NFIA: variants seen among roughly 807,000 people sequenced by gnomAD.
The protein encoded by NFIA is nuclear factor I A.
A neutral mutation model predicts 62.8 loss-of-function variants in NFIA; 8 were observed. The ratio of observed to expected loss-of-function variants is 0.13; its 90% CI spans 0.07 to 0.23. NFIA has a LOEUF of 0.23. NFIA is among the 10% of genes least tolerant of loss of function. The probability of loss-of-function intolerance (pLI) is 1.00; values close to 1 mark genes in which losing one functional copy is unlikely to be tolerated. For synonymous variants in NFIA, 235 were observed against 238.1 expected (o/e 0.99, Z 0.12); for missense variants, 410 against 642.1 (o/e 0.64, Z 3.91).
chr1:61,197,351 G>T (rs1339838856), intron 2 of NFIA, among the ~76,000 whole-genome samples: 1 of 144,400 alleles, frequency 6.9e-6, no homozygotes, highest in Admixed American at 7.3e-5. Flanking sequence ...CGATTCTTCT[G>T]CCTCAGCCTC....
intron 2 of NFIA, among the ~76,000 whole-genome samples, chr1:61,256,220 G>A (rs758152813): frequency 1.3e-5 from 2 of 152,050 alleles, no homozygotes; most frequent in Non-Finnish European, 2.9e-5. Flanking sequence ...TTGAGGTGAG[G>A]TCAGGAGTTC....
intron 7 of NFIA, among the ~76,000 whole-genome samples, chr1:61,396,116 A>G (rs558513249): frequency 6.6e-6 from 1 of 152,214 alleles, no homozygotes; most frequent in Non-Finnish European, 1.5e-5. Flanking sequence ...GAAGCCACCC[A>G]CATTTATAAT....
chr1:61,272,843 T>G (rs1425911597), intron 2 of NFIA, among the ~76,000 whole-genome samples: 1 of 152,210 alleles, frequency 6.6e-6, no homozygotes, highest in African/African-American at 2.4e-5. Context: ...TTTCGCTTTA[T>G]TTCTTTCACT....
chr1:61,261,500 G>A (rs779463800), intron 2 of NFIA, among the ~76,000 whole-genome samples: 4 of 152,212 alleles, frequency 2.6e-5, no homozygotes, highest in Non-Finnish European at 4.4e-5. Flanking sequence ...ACTAGCCTAA[G>A]CTGTAATGTT....
chr1:61,149,541 A>G (rs1648254830), intron 2 of NFIA, among the ~76,000 whole-genome samples: 1 of 152,166 alleles, frequency 6.6e-6, no homozygotes, highest in African/African-American at 2.4e-5. Flanking sequence ...AGTTATTGGT[A>G]CCAGTACCAA....
At chr1:61,438,998 G>GACACACACACACAC (rs3076170) in intron 10 of NFIA, among the ~76,000 whole-genome samples, 39 of 141,954 alleles carry the variant, frequency 2.7e-4, no homozygotes, top group African/African-American at 8.4e-4. Flanking sequence ...CATGCATGCA[G>GACACACACACACAC]ACACACACAC....
intron 9 of NFIA, among the ~76,000 whole-genome samples, chr1:61,409,932 T>C (rs1339181392): frequency 6.6e-6 from 1 of 152,176 alleles, no homozygotes; most frequent in East Asian, 1.9e-4. Flanking sequence ...AGGGAATAAA[T>C]ATCAGGAGTG....
intron 10 of NFIA, among the ~76,000 whole-genome samples, chr1:61,430,509 A>G (rs1667055111): frequency 6.6e-6 from 1 of 152,226 alleles, no homozygotes; most frequent in South Asian, 2.1e-4. Context: ...CTTCCCCTTA[A>G]CAATATATTA....
chr1:61,267,815 G>T (rs1657266377), intron 2 of NFIA, among the ~76,000 whole-genome samples: 1 of 152,188 alleles, frequency 6.6e-6, no homozygotes, highest in African/African-American at 2.4e-5. Context: ...GGATGTCACA[G>T]AATCTTTATC....
intron 2 of NFIA, among the ~76,000 whole-genome samples, chr1:61,219,722 A>AAAAAAAAG (rs796341948): frequency 0.043 from 6,412 of 148,898 alleles, 594 homozygotes; most frequent in African/African-American, 0.16. Context: ...TCAAAAAAAA[A>AAAAAAAAG]AAAAGAAAAA....
rs548510245 is a variant in NFIA at position 61,084,513 on chromosome 1, A to G, written c.27+1695A>G. 4.2e-4 allele frequency among the ~76,000 whole-genome samples: 64 copies of G among 152,210 alleles called. 1 individual carries two copies. The highest frequency in any genetic ancestry group is 1.4e-3 in the African/African-American group (60 of 41,510). ...TGAAACTTTTCCAACCACTTCTGGC[A>G]AGGTTCACAATTGCATATGGATAAG... On this transcript the variant is annotated intron_variant, in intron 1 of 10. Transcript: ENST00000403491.
intron 7 of NFIA, among the ~76,000 whole-genome samples, chr1:61,388,576 T>TA (rs1193191275): frequency 1.3e-5 from 2 of 152,214 alleles, no homozygotes; most frequent in East Asian, 1.9e-4. Context: ...TAGTGAATGA[T>TA]ACTTTATTTA....
intron 3 of NFIA, among the ~76,000 whole-genome samples, chr1:61,291,902 T>C (rs1399837748): frequency 6.6e-6 from 1 of 152,198 alleles, no homozygotes; most frequent in Non-Finnish European, 1.5e-5. Flanking sequence ...ATGTATTACA[T>C]TATTGAGTAA....
At chr1:61,378,364 T>A (rs542272857) in intron 6 of NFIA, among the ~76,000 whole-genome samples, 3 of 152,270 alleles carry the variant, frequency 2.0e-5, no homozygotes, top group African/African-American at 7.2e-5. Context: ...ACTTTTTAGT[T>A]CCCTTTCTAA....
chr1:61,377,853 A>G (rs1366724351), intron 6 of NFIA, among the ~76,000 whole-genome samples: 1 of 152,218 alleles, frequency 6.6e-6, no homozygotes, highest in Non-Finnish European at 1.5e-5. Flanking sequence ...CTAACAAAGT[A>G]AGCACTAACA....
At chr1:61,225,929 TA>T (rs1654304124) in intron 2 of NFIA, among the ~76,000 whole-genome samples, 2 of 152,180 alleles carry the variant, frequency 1.3e-5, no homozygotes, top group South Asian at 4.1e-4. Context: ...CTTGCAACTT[TA>T]AGGGACCATA....
chr1:61,228,266 C>T (rs752935537), intron 2 of NFIA, among the ~76,000 whole-genome samples: 4 of 152,120 alleles, frequency 2.6e-5, no homozygotes, highest in African/African-American at 4.8e-5. Flanking sequence ...AAGACCCATT[C>T]GAATTGTAGC....
intron 2 of NFIA, among the ~76,000 whole-genome samples, chr1:61,257,106 C>T (rs919376968): frequency 1.3e-5 from 2 of 151,910 alleles, no homozygotes; most frequent in East Asian, 1.9e-4. Flanking sequence ...TTTTCAAGAT[C>T]GGTTCCTCTA....
intron 2 of NFIA, among the ~76,000 whole-genome samples, chr1:61,211,814 C>T (rs1653280439): frequency 6.6e-6 from 1 of 152,136 alleles, no homozygotes; most frequent in Admixed American, 6.5e-5. Flanking sequence ...CCTTGCACCT[C>T]AGCCCCCAAG....
Sources: gnomAD v4.1 joint callset for allele counts (sites outside exome capture counted in the v4.1 genomes callset) on GRCh38, gnomAD v4.1.1 for gene constraint, MANE v1.5 for transcripts, NCBI Gene and HGNC (gene_info 2026-07-23, HGNC 2026-07-21) for gene names.